The following CDH12 variants were observed in gnomAD, a reference collection of about 807,000 sequenced individuals.
CDH12 encodes cadherin-12.
A neutral mutation model predicts 74.1 loss-of-function variants in CDH12; 41 were observed. The ratio of observed to expected loss-of-function variants is 0.55; its 90% CI spans 0.43 to 0.72. The LOEUF is 0.72. Ranked by LOEUF, CDH12 falls within the 30% of genes least tolerant of loss-of-function variation. The pLI, the probability that CDH12 is intolerant of heterozygous loss-of-function variation, is 0.00. For missense variants in CDH12, 945 were observed against 977.2 expected (o/e 0.97, Z 0.44); for synonymous variants, 399 against 355.0 (o/e 1.12, Z -1.39).
Position 21,998,918 on chromosome 5 carries a change from T to A in CDH12, c.232-23533A>T, listed in dbSNP as rs183227610. 1.5e-4 allele frequency among the ~76,000 whole-genome samples: 23 copies of A among 152,278 alleles called. No individual in the cohort carries two copies. In the East Asian group the frequency reaches 3.7e-3, roughly 24 times the overall value. On this transcript the variant is annotated intron_variant, in intron 5 of 14. Coordinates refer to ENST00000382254, the MANE Select transcript of CDH12 (RefSeq NM_004061.5). ...GGGATCTTATATTTACTATAACTTA[T>A]GCATGTTTAATTGTTTTAAAACACA...
intron 9 of CDH12, among the ~76,000 whole-genome samples, chr5:21,808,216 C>CTTA (rs1157476109): frequency 3.9e-5 from 6 of 152,014 alleles, no homozygotes; most frequent in African/African-American, 1.4e-4. Flanking sequence ...GACTCCAAGG[C>CTTA]TTAGATTGGA....
At chr5:22,641,888 G>A (rs890210946) in intron 1 of CDH12, among the ~76,000 whole-genome samples, 2 of 152,160 alleles carry the variant, frequency 1.3e-5, no homozygotes, top group African/African-American at 2.4e-5. Context: ...GCAACTCAAT[G>A]CATGTTTTTG....
intron 1 of CDH12, among the ~76,000 whole-genome samples, chr5:22,515,675 A>G (rs1271879857): frequency 2.0e-5 from 3 of 152,096 alleles, no homozygotes; most frequent in Non-Finnish European, 2.9e-5. Context: ...AGACTATTTG[A>G]TATGTAGTAA....
intron 1 of CDH12, among the ~76,000 whole-genome samples, chr5:22,712,067 A>G (rs174874): frequency 7.9e-5 from 12 of 151,690 alleles, no homozygotes; most frequent in Admixed American, 3.3e-4. Context: ...TATCTACATC[A>G]CCTAACACAG....
intron 8 of CDH12, among the ~76,000 whole-genome samples, chr5:21,833,896 C>T (rs1749381949): frequency 6.6e-6 from 1 of 151,922 alleles, no homozygotes; most frequent in Non-Finnish European, 1.5e-5. Context: ...GGTCTATGTT[C>T]TCATTGCCAT....
intron 5 of CDH12, among the ~76,000 whole-genome samples, chr5:22,024,492 A>G (rs1413219048): frequency 6.6e-6 from 1 of 152,078 alleles, no homozygotes; most frequent in Non-Finnish European, 1.5e-5. Flanking sequence ...AGGTAAATTT[A>G]CTTTATTTAT....
chr5:22,622,402 C>G, intron 1 of CDH12, among the ~76,000 whole-genome samples: 1 of 152,162 alleles, frequency 6.6e-6, no homozygotes, highest in African/African-American at 2.4e-5. Flanking sequence ...AAGCTGGGAA[C>G]CCTGCACAGG....
intron 2 of CDH12, among the ~76,000 whole-genome samples, chr5:22,464,176 C>G (rs906365523): frequency 1.3e-5 from 2 of 152,158 alleles, no homozygotes; most frequent in African/African-American, 2.4e-5. Flanking sequence ...CTGCTGCTGT[C>G]CATGTAAGAG....
chr5:22,806,828 T>C (rs932926105), intron 1 of CDH12, among the ~76,000 whole-genome samples: 21 of 152,216 alleles, frequency 1.4e-4, no homozygotes, highest in Non-Finnish European at 2.9e-4. Context: ...GGGTTGTTTT[T>C]TTCTTGTAAA....
At chr5:22,602,930 A>G (rs1414282081) in intron 1 of CDH12, among the ~76,000 whole-genome samples, 1 of 152,208 alleles carries the variant, frequency 6.6e-6, no homozygotes, top group Non-Finnish European at 1.5e-5. Context: ...TTGTTTGAAG[A>G]TAATTGACTC....
intron 1 of CDH12, among the ~76,000 whole-genome samples, chr5:22,533,955 G>A (rs1458632641): frequency 6.6e-6 from 1 of 152,112 alleles, no homozygotes; most frequent in Non-Finnish European, 1.5e-5. Context: ...CTAGAGCTAA[G>A]TAGTATCTTA....
chr5:22,486,313 C>T (rs1746592648), intron 2 of CDH12, among the ~76,000 whole-genome samples: 1 of 152,166 alleles, frequency 6.6e-6, no homozygotes, highest in Non-Finnish European at 1.5e-5. Context: ...CTAATATTAT[C>T]ACTTTATTGC....
chr5:22,441,905 T>C (rs1280140737), intron 2 of CDH12, among the ~76,000 whole-genome samples: 1 of 152,088 alleles, frequency 6.6e-6, no homozygotes, highest in African/African-American at 2.4e-5. Context: ...GGTTTCACCA[T>C]GTTGACCAGG....
chr5:21,862,328 T>G (rs1751085795), intron 6 of CDH12, among the ~76,000 whole-genome samples: 1 of 152,110 alleles, frequency 6.6e-6, no homozygotes, highest in Non-Finnish European at 1.5e-5. Context: ...ATATAAAGGC[T>G]TGGGATAAAT....
intron 8 of CDH12, among the ~76,000 whole-genome samples, chr5:21,838,006 A>G (rs894959746): frequency 6.6e-6 from 1 of 152,076 alleles, no homozygotes; most frequent in Non-Finnish European, 1.5e-5. Context: ...TTTTTTGCAG[A>G]TGTGCTCTAA....
chr5:22,474,654 T>G (rs2126611454), intron 2 of CDH12, among the ~76,000 whole-genome samples: 1 of 152,264 alleles, frequency 6.6e-6, no homozygotes, highest in African/African-American at 2.4e-5. Context: ...GAGAGACAGA[T>G]AGCCTTAGCA....
intron 1 of CDH12, among the ~76,000 whole-genome samples, chr5:22,663,739 T>C (rs116210998): frequency 0.036 from 5,549 of 152,282 alleles, 146 homozygotes; most frequent in Admixed American, 0.07. Context: ...TAAACTTTAG[T>C]ACATAGTTCT....
At chr5:22,695,659 T>C (rs1460419194) in intron 1 of CDH12, among the ~76,000 whole-genome samples, 2 of 152,226 alleles carry the variant, frequency 1.3e-5, no homozygotes, top group African/African-American at 4.8e-5. Context: ...TCTTTGGGTA[T>C]TCTTTCTAAT....
chr5:22,338,069 T>C (rs968739994), intron 3 of CDH12, among the ~76,000 whole-genome samples: 3 of 152,036 alleles, frequency 2.0e-5, no homozygotes, highest in South Asian at 4.1e-4. Flanking sequence ...CACTGCTGGG[T>C]ATATATCCAA....
Sources: allele counts gnomAD v4.1 joint callset (sites outside exome capture counted in the v4.1 genomes callset), GRCh38; gene constraint gnomAD v4.1.1; transcripts MANE v1.5; gene names NCBI Gene and HGNC (gene_info 2026-07-23, HGNC 2026-07-21).